Variants in SUCLG2 observed in about 807,000 individuals in gnomAD.
SUCLG2 encodes the protein succinate-CoA ligase GDP-forming subunit beta, also known as succinate--CoA ligase [GDP-forming] subunit beta, mitochondrial.
Under a neutral mutation model 47.9 loss-of-function variants are expected in SUCLG2, and 42 were observed. The ratio of observed to expected loss-of-function variants is 0.88; its 90% CI spans 0.69 to 1.14. The LOEUF (loss-of-function observed/expected upper bound fraction) is 1.14. Among genes scored for constraint, SUCLG2 ranks in the 50% most tolerant of loss-of-function variants. The probability of loss-of-function intolerance (pLI) is 0.00; values close to 1 mark genes in which losing one functional copy is unlikely to be tolerated. For missense variants in SUCLG2, 571 were observed against 525.9 expected, an observed-to-expected ratio of 1.09 and a Z score of -0.84; for synonymous variants, 195 against 197.3, an observed-to-expected ratio of 0.99 and a Z score of 0.10.
chr3:67,430,714 T>C (rs1185266919), intron 9 of SUCLG2, among the ~76,000 whole-genome samples: 5 of 151,684 alleles, frequency 3.3e-5, no homozygotes, highest in Admixed American at 3.3e-4. Context: ...GCAAGATTAA[T>C]CAAGAAGAAA....
At chr3:67,580,248 A>G (rs1214451726) in intron 2 of SUCLG2, among the ~76,000 whole-genome samples, 1 of 152,158 alleles carries the variant, frequency 6.6e-6, no homozygotes, top group Non-Finnish European at 1.5e-5. Context: ...ACCTGTTGCC[A>G]TGATATATAT....
At chr3:67,529,876 A>G (rs1365205853) in intron 2 of SUCLG2, among the ~76,000 whole-genome samples, 4 of 152,272 alleles carry the variant, frequency 2.6e-5, no homozygotes, top group African/African-American at 9.6e-5. Context: ...AGAGTTATTA[A>G]CACAAATATC....
At chr3:67,403,243 T>G (rs1702727029) in intron 9 of SUCLG2, among the ~76,000 whole-genome samples, 1 of 152,228 alleles carries the variant, frequency 6.6e-6, no homozygotes, top group South Asian at 2.1e-4. Context: ...GAATAGCTGT[T>G]GTTCTCCAAT....
At chr3:67,446,435 T>G (rs1425713472) in intron 9 of SUCLG2, among the ~76,000 whole-genome samples, 1 of 117,216 alleles carries the variant, frequency 8.5e-6, no homozygotes, top group Non-Finnish European at 1.8e-5. Flanking sequence ...TTTTTTTTTT[T>G]TTTTTTTTTT....
intron 1 of SUCLG2, among the ~76,000 whole-genome samples, chr3:67,648,391 G>A (rs13065696): frequency 0.34 from 52,231 of 152,102 alleles, 9,220 homozygotes; most frequent in Non-Finnish European, 0.36. Context: ...GACCAAAGGC[G>A]AGTGTCACTC....
downstream of SUCLG2, chr3:67,374,645 A>T: frequency 1.8e-6 from 1 of 543,700 alleles, no homozygotes; most frequent in Non-Finnish European, 2.3e-6. Flanking sequence ...CTAAGACACT[A>T]AGACTAGTGT....
chr3:67,567,063 G>T (rs1193888731), intron 2 of SUCLG2, among the ~76,000 whole-genome samples: 2 of 151,864 alleles, frequency 1.3e-5, no homozygotes, highest in African/African-American at 2.4e-5. Context: ...GTGTGCCTGT[G>T]GTCCCAGCTA....
intron 1 of SUCLG2, among the ~76,000 whole-genome samples, chr3:67,644,481 G>A (rs1011376621): frequency 1.3e-5 from 2 of 152,106 alleles, no homozygotes; most frequent in Non-Finnish European, 2.9e-5. Context: ...ACTAGGGGAA[G>A]GGGAGATGGG....
Position 67,379,234 on chromosome 3 carries a change from C to T in SUCLG2, c.1184-3375G>A, listed in dbSNP as rs555178906. On this transcript the variant is annotated intron_variant, in intron 10 of 10. Transcript: ENST00000307227. Reference sequence around the variant, plus strand: ...AGTCTGGGATTAGAAGCATGAGCCACCGTACCCCATGTGTAAATTTCTATC... The same window carrying T: ...AGTCTGGGATTAGAAGCATGAGCCATCGTACCCCATGTGTAAATTTCTATC... Among the ~76,000 whole-genome samples, 14 of 152,272 alleles carry T rather than the reference C, an allele frequency of 9.2e-5. No individual in the cohort carries two copies. In the South Asian group the frequency reaches 2.5e-3, roughly 27 times the overall value.
chr3:67,648,259 T>C (rs1701224905), intron 1 of SUCLG2, among the ~76,000 whole-genome samples: 1 of 152,152 alleles, frequency 6.6e-6, no homozygotes, highest in African/African-American at 2.4e-5. Context: ...TTCGTGTCTT[T>C]AATCTCCCTA....
intron 2 of SUCLG2, among the ~76,000 whole-genome samples, chr3:67,571,103 G>A (rs114325937): frequency 1.2e-3 from 185 of 152,176 alleles, no homozygotes; most frequent in African/African-American, 4.2e-3. Context: ...TTCCTTCTCA[G>A]TATACCACAG....
intron 6 of SUCLG2, among the ~76,000 whole-genome samples, chr3:67,513,293 A>G (rs758876659): frequency 1.3e-5 from 2 of 152,198 alleles, no homozygotes; most frequent in Non-Finnish European, 1.5e-5. Flanking sequence ...GCCTACACCA[A>G]TTTTGCTTAG....
intron 9 of SUCLG2, among the ~76,000 whole-genome samples, chr3:67,438,847 A>G (rs1259356976): frequency 6.6e-6 from 1 of 152,194 alleles, no homozygotes; most frequent in Non-Finnish European, 1.5e-5. Context: ...AAACTATTGC[A>G]AACAATAGAA....
At chr3:67,458,244 A>C (rs1199056001) in intron 9 of SUCLG2, among the ~76,000 whole-genome samples, 1 of 152,184 alleles carries the variant, frequency 6.6e-6, no homozygotes, top group South Asian at 2.1e-4. Context: ...TGGTTCTATC[A>C]AGTTTTGGGG....
In SUCLG2 at chr3:67,447,927, C is replaced by T. The variant is rs138791303; in HGVS notation, c.1063-47076G>A. 3.3e-3 allele frequency among the ~76,000 whole-genome samples: 509 copies of T among 152,244 alleles called. 3 individuals carry two copies. Among genetic ancestry groups the T allele is most frequent in the Middle Eastern group, 0.017 (5 of 294 alleles). On this transcript the variant is annotated intron_variant, in intron 9 of 10. Coordinates refer to ENST00000307227, the MANE Select transcript of SUCLG2 (RefSeq NM_003848.4). Reference sequence around the variant, plus strand: ...TATTTTTAGTAGAGACAGGGTTTTGCCATGTTGGCCAGGCTGGTCTCAAAC... The same window carrying T: ...TATTTTTAGTAGAGACAGGGTTTTGTCATGTTGGCCAGGCTGGTCTCAAAC...
At chr3:67,372,718 T>C (rs988696422), downstream of SUCLG2, among the ~76,000 whole-genome samples, 4 of 152,192 alleles carry the variant, frequency 2.6e-5, no homozygotes, top group African/African-American at 9.6e-5. Context: ...AGATCAAAGA[T>C]CTTATTTCCT....
intron 9 of SUCLG2, among the ~76,000 whole-genome samples, chr3:67,493,156 C>A (rs992745676): frequency 5.3e-5 from 8 of 152,170 alleles, no homozygotes; most frequent in Non-Finnish European, 4.4e-5. Flanking sequence ...ACTGCCAAAA[C>A]TACAGCCAGT....
At chr3:67,635,482 G>A (rs1056599032) in intron 1 of SUCLG2, among the ~76,000 whole-genome samples, 4 of 152,214 alleles carry the variant, frequency 2.6e-5, no homozygotes, top group African/African-American at 9.7e-5. Flanking sequence ...TGCAAACTCT[G>A]TCTCTTGGGC....
At chr3:67,452,224 G>A (rs1438490774) in intron 9 of SUCLG2, among the ~76,000 whole-genome samples, 2 of 152,152 alleles carry the variant, frequency 1.3e-5, no homozygotes, top group South Asian at 2.1e-4. Context: ...ATGTTGCCTA[G>A]TAAGAAAATC....
Sources: gnomAD v4.1 joint callset for allele counts (sites outside exome capture counted in the v4.1 genomes callset) on GRCh38, gnomAD v4.1.1 for gene constraint, MANE v1.5 for transcripts, NCBI Gene and HGNC (gene_info 2026-07-23, HGNC 2026-07-21) for gene names.